Variants in WRNIP1 observed in about 807,000 individuals in gnomAD.
WRNIP1 encodes ATPase WRNIP1.
Under a neutral mutation model 56.1 loss-of-function variants are expected in WRNIP1, and 41 were observed. The ratio of observed to expected loss-of-function variants is 0.73; its 90% CI spans 0.57 to 0.95. The LOEUF (loss-of-function observed/expected upper bound fraction) is 0.95, where lower values mean the gene tolerates loss of function less well. Ranked by LOEUF, WRNIP1 falls within the 40% of genes least tolerant of loss-of-function variation. The probability of loss-of-function intolerance (pLI) is 0.00; values close to 1 mark genes in which losing one functional copy is unlikely to be tolerated. For synonymous variants in WRNIP1, 547 were observed against 398.1 expected (o/e 1.37, Z -4.45); for missense variants, 1,170 against 939.4 (o/e 1.25, Z -3.21).
chr6:2,770,847 T>TA (rs1183723263), intron 3 of WRNIP1, among the ~76,000 whole-genome samples: 1 of 152,224 alleles, frequency 6.6e-6, no homozygotes, highest in Admixed American at 6.5e-5. Flanking sequence ...CTTGTAACCT[T>TA]AAAATTATGT....
chr6:2,778,143 C>T (rs536384911), intron 3 of WRNIP1, among the ~76,000 whole-genome samples: 1 of 152,128 alleles, frequency 6.6e-6, no homozygotes, highest in African/African-American at 2.4e-5. Flanking sequence ...CTGCATTGAT[C>T]CAGCAGGCAA....
intron 2 of WRNIP1, 68 bp from the exon 3 acceptor site, chr6:2,770,052 A>G (rs1765207712): frequency 1.2e-5 from 19 of 1,596,958 alleles, no homozygotes; most frequent in African/African-American, 2.7e-5. Flanking sequence ...GGGATAGCCA[A>G]CTTACATAGG....
In WRNIP1 at chr6:2,766,042, G is replaced by A. The variant is rs1293112462; in HGVS notation, c.420G>A (p.Gly140=). 8.5e-6 allele frequency: 11 copies of A among 1,301,426 alleles called. No homozygotes were observed. Among genetic ancestry groups the A allele is most frequent in the Non-Finnish European group, 9.7e-6 (10 of 1,029,726 alleles). 80.6% of individuals were successfully genotyped at this position (1,301,426 alleles called of 1,614,324 possible). The stretch of plus-strand genomic sequence containing the variant: ...GCAGCCCCGGGAGGAAGGGGTCGGG[G>A]AAGAGGCCGGCGGCCGCCGCCGCGG... The part of the protein sequence containing the change: ...RSSSPGRKGS[G]KRPAAAAAAG... Residue 140 remains glycine, a synonymous_variant, in exon 1 of 7, where the codon GGG becomes GGA. Coordinates refer to ENST00000380773, the MANE Select transcript of WRNIP1 (RefSeq NM_020135.3).
chr6:2,777,047 A>G (rs1163897228), intron 3 of WRNIP1, among the ~76,000 whole-genome samples: 3 of 152,178 alleles, frequency 2.0e-5, no homozygotes, highest in Non-Finnish European at 2.9e-5. Flanking sequence ...TGTAAGGTTG[A>G]TGGTTGCATG....
chr6:2,765,517 C>G lies in WRNIP1; in HGVS notation c.-106C>G, dbSNP rs947930690. The G allele has an allele frequency of 7.8e-7, 1 of 1,281,638 alleles. No individual in the cohort carries two copies. The highest frequency in any genetic ancestry group is 9.9e-7 in the Non-Finnish European group (1 of 1,014,842). 79.4% of individuals were successfully genotyped at this position (1,281,638 alleles called of 1,614,324 possible). A position where few individuals can be genotyped will look rare whatever the true frequency, so the allele number is the denominator to read the frequency against. ...GCCCGCGAGCGTCCTGCTGGTTCCC[C>G]GAGCGAGGGTCTCGCGGCGCGGGGC... On this transcript the variant is annotated 5_prime_UTR_variant, in exon 1 of 7. Transcript: ENST00000380773.
intron 6 of WRNIP1, 96 bp downstream of exon 6, chr6:2,784,499 G>A: frequency 7.7e-7 from 1 of 1,292,454 alleles, no homozygotes; most frequent in South Asian, 1.3e-5. Context: ...TTCACCATTG[G>A]TGTATTGGAC....
At position 2,765,598 on chromosome 6, in the gene WRNIP1, G is replaced by C; in HGVS notation, c.-25G>C. 6.7e-7 allele frequency: 1 copy of C among 1,486,490 alleles called. No homozygotes were observed. The highest frequency in any genetic ancestry group is 8.9e-7 in the Non-Finnish European group (1 of 1,126,062). The allele number at this position is 1,486,490 out of a possible 1,614,324, so 92.1% of individuals were successfully genotyped here. A position where few individuals can be genotyped will look rare whatever the true frequency, so the allele number is the denominator to read the frequency against. On this transcript the variant is annotated 5_prime_UTR_variant, in exon 1 of 7. Coordinates refer to ENST00000380773, the MANE Select transcript of WRNIP1 (RefSeq NM_020135.3). The stretch of plus-strand genomic sequence containing the variant: ...CGCACGGGTTGCTGCGGCCGCGCCG[G>C]GCGCCGGGGAGGGCGGCGGCCGCCA...
In WRNIP1 at chr6:2,785,022, T is replaced by C. The variant is rs1374177886; in HGVS notation, c.1738T>C (p.Cys580Arg). The C allele has an allele frequency of 6.2e-7, 1 of 1,614,060 alleles. No individual in the cohort carries two copies. The stretch of plus-strand genomic sequence containing the variant: ...TCATTGGTAGGTGCTTCTGGCCCAG[T>C]GTGTGGTCTACTTTGCCAGAGCCCC... ...MPECEVLLAQ[C>R]VVYFARAPKS... Residue 580 changes from cysteine (C) to arginine (R), a missense_variant, in exon 7 of 7, where the codon TGT becomes CGT. Cys to Arg is a radical substitution (Grantham distance 180). Transcript: ENST00000380773.
At chr6:2,782,464 C>T (rs763787496) in intron 4 of WRNIP1, among the ~76,000 whole-genome samples, 23 of 152,246 alleles carry the variant, frequency 1.5e-4, no homozygotes, top group Admixed American at 5.2e-4. Flanking sequence ...ATCTTACCAG[C>T]GAGCTCAGCT....
At chr6:2,773,934 TGGGTGTGG>T (rs1285289995) in intron 3 of WRNIP1, 1 of 985,104 alleles carries the variant, frequency 1.0e-6, no homozygotes, top group Admixed American at 6.2e-5. Context: ...GTGGCGTAAC[TGGGTGTGG>T]GGCTTTTCTC....
chr6:2,773,688 T>C, intron 3 of WRNIP1: 2 of 985,338 alleles, frequency 2.0e-6, no homozygotes, highest in Admixed American at 6.2e-5. Flanking sequence ...AAGCTAGCAT[T>C]TCGTCATCCT....
intron 6 of WRNIP1, 114 bp downstream of exon 6, chr6:2,784,517 G>C: frequency 9.3e-7 from 1 of 1,074,236 alleles, no homozygotes; most frequent in Non-Finnish European, 1.4e-6. Flanking sequence ...GACCCACTGA[G>C]TATGCTGCTT....
chr6:2,785,155 G>C lies in WRNIP1; in HGVS notation c.1871G>C (p.Arg624Thr). 1 of 1,614,190 alleles carries C rather than the reference G, an allele frequency of 6.2e-7. No individual in the cohort carries two copies. Among genetic ancestry groups the C allele is most frequent in the Non-Finnish European group, 8.5e-7 (1 of 1,180,044 alleles). The change falls in exon 7 of 7, where the codon AGG becomes ACG. Residue 624 changes from arginine (R) to threonine (T), a missense_variant. Transcript: ENST00000380773. Reference sequence around the variant, plus strand: ...CTGCACCTGAGGAACGCGCCCACTAGGCTGATGAAGGATTTGGGCTATGGC... The same window carrying C: ...CTGCACCTGAGGAACGCGCCCACTACGCTGATGAAGGATTTGGGCTATGGC... ...VPLHLRNAPT[R>T]LMKDLGYGKG...
intron 1 of WRNIP1, among the ~76,000 whole-genome samples, 182 bp from the exon 2 acceptor site, chr6:2,768,509 T>A (rs1185347312): frequency 1.3e-5 from 2 of 152,212 alleles, no homozygotes; most frequent in Non-Finnish European, 2.9e-5. Context: ...ATTTATAATA[T>A]TTTTGTTGTT....
At position 2,766,006 on chromosome 6, in the gene WRNIP1, G is replaced by A. The variant is rs937073370; in HGVS notation, c.384G>A (p.Val128=). The change falls in exon 1 of 7, where the codon GTG becomes GTA. Residue 128 remains valine (V), a synonymous_variant. Coordinates refer to ENST00000380773, the MANE Select transcript of WRNIP1 (RefSeq NM_020135.3). ...CCCGCCTTATCCCCGACTTCCCGGT[G>A]GCCCGCTCCAGCAGCCCCGGGAGGA... is the stretch of plus-strand genomic sequence containing the variant. The part of the protein sequence containing the change: ...SGARLIPDFP[V]ARSSSPGRKG... The A allele has an allele frequency of 5.6e-5, 76 of 1,356,188 alleles. No homozygotes were observed. Among genetic ancestry groups the A allele is most frequent in the Non-Finnish European group, 7.1e-5 (75 of 1,052,904 alleles). The allele number at this position is 1,356,188 out of a possible 1,614,324, so 84.0% of individuals were successfully genotyped here. A position where few individuals can be genotyped will look rare whatever the true frequency, so the allele number is the denominator to read the frequency against.
chr6:2,773,007 C>T (rs1765344705), intron 3 of WRNIP1: 9 of 985,382 alleles, frequency 9.1e-6, no homozygotes, highest in Non-Finnish European at 9.6e-6. Flanking sequence ...AGAACATTTA[C>T]AGAGAAGTCC....
At chr6:2,770,500 A>C in intron 3 of WRNIP1, 139 bp downstream of exon 3, 1 of 1,279,584 alleles carries the variant, frequency 7.8e-7, no homozygotes, top group South Asian at 1.5e-5. Flanking sequence ...ATGAAAATAA[A>C]AGAGGAGGGA....
chr6:2,776,947 G>C (rs761439961), intron 3 of WRNIP1, among the ~76,000 whole-genome samples: 5 of 152,138 alleles, frequency 3.3e-5, no homozygotes, highest in Non-Finnish European at 7.3e-5. Context: ...ATGTTGACAG[G>C]TCTGAGTAGC....
intron 3 of WRNIP1, among the ~76,000 whole-genome samples, chr6:2,771,340 T>C (rs1348571546): frequency 6.6e-6 from 1 of 152,210 alleles, no homozygotes; most frequent in Non-Finnish European, 1.5e-5. Context: ...AATGAAAGCA[T>C]TGAAACATTT....
Sources: gnomAD v4.1 joint callset for allele counts (sites outside exome capture counted in the v4.1 genomes callset) on GRCh38, gnomAD v4.1.1 for gene constraint, MANE v1.5 for transcripts, NCBI Gene and HGNC (gene_info 2026-07-23, HGNC 2026-07-21) for gene names.